Variants in PCDH10 observed in about 807,000 individuals in gnomAD.
The protein encoded by PCDH10 is protocadherin 10.
In PCDH10, 15 loss-of-function variants were observed where a neutral mutation model predicts 74.4. The observed-to-expected ratio is 0.20, with a 90% CI of 0.13 to 0.31. The LOEUF (loss-of-function observed/expected upper bound fraction) is 0.31. Among genes scored for constraint, PCDH10 ranks in the 10% least tolerant of loss-of-function variants. The probability of loss-of-function intolerance (pLI) is 1.00; values close to 1 mark genes in which losing one functional copy is unlikely to be tolerated. For synonymous variants in PCDH10, 619 were observed against 589.8 expected (o/e 1.05, Z -0.72); for missense variants, 1,260 against 1,390.2 (o/e 0.91, Z 1.49).
In PCDH10 at chr4:133,190,151, G is replaced by T; in HGVS notation, c.3114G>T (p.Arg1038Ser). The T allele has an allele frequency of 6.2e-7, 1 of 1,612,096 alleles. No homozygotes were observed. The highest frequency in any genetic ancestry group is 8.5e-7 in the Non-Finnish European group (1 of 1,178,416). ...PYKPPYLTRK[R>S]IC ...CTTTCTTTTTCACAGCACGGAAAAG[G>T]ATATGCTAGTCAATTCTACAGGACT... The change falls in exon 5 of 5, where the codon AGG becomes AGT. Residue 1038 changes from arginine to serine, a missense_variant. Transcript: ENST00000264360.
chr4:133,170,263 A>G (rs1405083142), intron 4 of PCDH10, among the ~76,000 whole-genome samples: 1 of 152,134 alleles, frequency 6.6e-6, no homozygotes, highest in Non-Finnish European at 1.5e-5. Context: ...ATAGCAAGGC[A>G]CTTACCCATA....
At position 133,151,341 on chromosome 4, in the gene PCDH10, G is replaced by A; in HGVS notation, c.1201G>A (p.Val401Met). ...GGTGCAGTGCGAGCTACTGGGAGAC[G>A]TGCCTTTCCGCCTCAAGTCTTCCTT... Reference protein sequence around the residue: ...GQVQCELLGDVPFRLKSSFKN... With the variant: ...GQVQCELLGDMPFRLKSSFKN... Residue 401 changes from valine (V) to methionine (M), a missense_variant, in exon 1 of 5, where the codon GTG becomes ATG. Around this residue, in one of 11 missense-constraint regions of PCDH10, gnomAD observed 112 missense variants for 123.6 expected, o/e 0.91. Transcript: ENST00000264360. 2 of 1,614,168 alleles carry A rather than the reference G, an allele frequency of 1.2e-6. No individual in the cohort carries two copies. The highest frequency in any genetic ancestry group is 1.7e-6 in the Non-Finnish European group (2 of 1,180,036).
chr4:133,176,085 G>A (rs150520416), intron 4 of PCDH10, among the ~76,000 whole-genome samples: 18 of 152,142 alleles, frequency 1.2e-4, no homozygotes, highest in Admixed American at 9.2e-4. Context: ...TTACCATTTT[G>A]ACTTTATTAT....
At chr4:133,207,147 G>A (rs1191769441) in intron 2 of PCDH10, among the ~76,000 whole-genome samples, 1 of 151,774 alleles carries the variant, frequency 6.6e-6, no homozygotes, top group Admixed American at 6.6e-5. Flanking sequence ...AACCAAAGGG[G>A]TAATATGCAT....
intron 2 of PCDH10, among the ~76,000 whole-genome samples, chr4:133,207,821 A>C (rs1486536344): frequency 6.6e-6 from 1 of 152,154 alleles, no homozygotes; most frequent in Non-Finnish European, 1.5e-5. Flanking sequence ...TACCTAAAGC[A>C]ATTTAACATG....
chr4:133,197,073 C>T (rs866567166), downstream of PCDH10, among the ~76,000 whole-genome samples: 12 of 152,254 alleles, frequency 7.9e-5, no homozygotes, highest in African/African-American at 2.6e-4. Context: ...CTCCATTTAT[C>T]AGTGGTATGG....
At chr4:133,169,496 A>G (rs1203760017) in intron 4 of PCDH10, among the ~76,000 whole-genome samples, 1 of 151,870 alleles carries the variant, frequency 6.6e-6, no homozygotes, top group Non-Finnish European at 1.5e-5. Flanking sequence ...CATTTAGCGT[A>G]TTAACATTAT....
Position 133,166,407 on chromosome 4 carries a change from A to G in PCDH10, c.3103+3125A>G, listed in dbSNP as rs1727082394. On this transcript the variant is annotated intron_variant, in intron 4 of 4. Coordinates refer to ENST00000264360, the MANE Select transcript of PCDH10 (RefSeq NM_032961.3). ...ATATTTTCTGGAGTTTTAAAATAACATTGCATTTTTATCATGAACATTTTA... is the reference window on the plus strand; with the variant it reads ...ATATTTTCTGGAGTTTTAAAATAACGTTGCATTTTTATCATGAACATTTTA... Among the ~76,000 whole-genome samples, 4 of 151,676 alleles carry G rather than the reference A, an allele frequency of 2.6e-5. No homozygotes were observed. In the South Asian group the frequency reaches 8.3e-4, roughly 31 times the overall value.
intron 4 of PCDH10, among the ~76,000 whole-genome samples, chr4:133,167,396 C>A (rs1332122450): frequency 4.0e-5 from 6 of 151,538 alleles, no homozygotes; most frequent in Non-Finnish European, 8.9e-5. Flanking sequence ...ACATAGAATT[C>A]AAAATAAAAT....
At chr4:133,170,337 G>A (rs1315641304) in intron 4 of PCDH10, among the ~76,000 whole-genome samples, 4 of 151,668 alleles carry the variant, frequency 2.6e-5, no homozygotes, top group Non-Finnish European at 5.9e-5. Flanking sequence ...AATTAACTTT[G>A]GTAAAGTGTC....
intron 3 of PCDH10, among the ~76,000 whole-genome samples, chr4:133,156,708 A>ACACG (rs1172427644): frequency 1.3e-5 from 2 of 152,132 alleles, no homozygotes; most frequent in Non-Finnish European, 2.9e-5. Flanking sequence ...TTCCCACCCC[A>ACACG]CACGCCCCGC....
Position 133,152,292 on chromosome 4 carries a change from C to T in PCDH10, c.2152C>T (p.Leu718Phe), listed in dbSNP as rs746365225. Residue 718 changes from leucine (L) to phenylalanine (F), a missense_variant, in exon 1 of 5, where the codon CTC becomes TTC. This residue lies in a region of PCDH10 where 587 missense variants were observed against 616.9 expected (regional missense o/e 0.95). Coordinates refer to ENST00000264360, the MANE Select transcript of PCDH10 (RefSeq NM_032961.3). Reference protein sequence around the residue: ...GETSLDLTLILIIALGSVSFI... With the variant: ...GETSLDLTLIFIIALGSVSFI... ...AACCTCGCTAGACCTCACCCTCATC[C>T]TCATCATCGCGTTGGGCTCGGTGTC... 5 of 1,614,174 alleles carry T rather than the reference C, an allele frequency of 3.1e-6. No individual in the cohort carries two copies. In the South Asian group the frequency reaches 4.4e-5, roughly 14 times the overall value.
intron 4 of PCDH10, among the ~76,000 whole-genome samples, chr4:133,174,494 G>A (rs1727254646): frequency 6.6e-6 from 1 of 151,738 alleles, no homozygotes; most frequent in Non-Finnish European, 1.5e-5. Flanking sequence ...ATAGGCATGA[G>A]TAAATGAAAT....
chr4:133,195,566 C>T (rs1188673815), downstream of PCDH10, among the ~76,000 whole-genome samples: 1 of 151,944 alleles, frequency 6.6e-6, no homozygotes, highest in Non-Finnish European at 1.5e-5. Flanking sequence ...AGATTACAGA[C>T]ATATACTGAG....
intron 4 of PCDH10, among the ~76,000 whole-genome samples, chr4:133,184,460 T>G (rs1727488009): frequency 6.6e-6 from 1 of 151,488 alleles, no homozygotes. Flanking sequence ...CCATCTGTAC[T>G]AAAACTACAA....
At chr4:133,155,911 G>A (rs765522443) in intron 3 of PCDH10, among the ~76,000 whole-genome samples, 3 of 152,178 alleles carry the variant, frequency 2.0e-5, no homozygotes, top group Non-Finnish European at 2.9e-5. Context: ...TTTCATCTTT[G>A]AAGGGTGTTT....
intron 1 of PCDH10, 159 bp downstream of exon 1, chr4:133,152,930 C>A: frequency 1.4e-6 from 2 of 1,456,114 alleles, no homozygotes; most frequent in Non-Finnish European, 1.8e-6. Context: ...TTCTCCCACT[C>A]CTTCGTGTGT....
At position 133,149,748 on chromosome 4, in the gene PCDH10, C is replaced by A; in HGVS notation, c.-393C>A. On this transcript the variant is annotated 5_prime_UTR_variant, in exon 1 of 5. Transcript: ENST00000264360. ...CCTCCTCTTTTTCCTCCTCCTCGTT[C>A]TCCTCCCATCAGCAAGAAGACAAAC... The A allele has an allele frequency of 6.1e-6, 1 of 165,116 alleles. No individual in the cohort carries two copies. 10.2% of individuals were successfully genotyped at this position (165,116 alleles called of 1,614,324 possible). A position where few individuals can be genotyped will look rare whatever the true frequency, so the allele number is the denominator to read the frequency against.
chr4:133,205,586 T>G (rs1340315459), intron 2 of PCDH10, among the ~76,000 whole-genome samples: 1 of 152,134 alleles, frequency 6.6e-6, no homozygotes, highest in Non-Finnish European at 1.5e-5. Flanking sequence ...TCTCAAATTA[T>G]TACTCTCATC....
Sources: allele counts gnomAD v4.1 joint callset (sites outside exome capture counted in the v4.1 genomes callset), GRCh38; gene constraint gnomAD v4.1.1; regional missense constraint gnomAD v4.1.1; transcripts MANE v1.5; gene names NCBI Gene and HGNC (gene_info 2026-07-23, HGNC 2026-07-21).